SLC9A7: variants seen among roughly 807,000 people sequenced by gnomAD.
SLC9A7 encodes sodium/hydrogen exchanger 7.
A neutral mutation model predicts 52.6 loss-of-function variants in SLC9A7; 19 were observed. That is an observed-to-expected ratio of 0.36 (90% CI 0.25 to 0.53). The LOEUF is 0.53. Among genes scored for constraint, SLC9A7 ranks in the 20% least tolerant of loss-of-function variants. The pLI is 0.91. For missense variants in SLC9A7, 455 were observed against 597.9 expected, an observed-to-expected ratio of 0.76 and a Z score of 2.49; for synonymous variants, 226 against 252.1, an observed-to-expected ratio of 0.90 and a Z score of 0.98.
At chrX:46,721,517 T>C (rs1944860554) in intron 1 of SLC9A7, among the ~76,000 whole-genome samples, 2 of 112,116 alleles carry the variant, frequency 1.8e-5, no homozygotes, top group Non-Finnish European at 3.8e-5. Flanking sequence ...ATGATTCTTT[T>C]TTTTTTTCCA....
chrX:46,664,885 T>C (rs754318497), intron 5 of SLC9A7, among the ~76,000 whole-genome samples: 19 of 110,715 alleles, frequency 1.7e-4, no homozygotes, highest in African/African-American at 5.9e-4. Flanking sequence ...CCCAAGTAGA[T>C]GGGACCACAG....
chrX:46,758,982 C>A lies in SLC9A7; in HGVS notation c.48G>T (p.Gly16=). Residue 16 remains glycine, a synonymous_variant, in exon 1 of 17, where the codon GGG becomes GGT. Coordinates refer to ENST00000616978, the MANE Select transcript of SLC9A7 (RefSeq NM_001257291.2). ...GCAGCAGCAGCCGCGGCGGCGGCGCCCCGGTAGCCCGACCCGAGCCAGGGC... is the reference window on the plus strand; with the variant it reads ...GCAGCAGCAGCCGCGGCGGCGGCGCACCGGTAGCCCGACCCGAGCCAGGGC... ...AARPGSGRAT[G]APPPRLLLLP... 1 of 1,022,889 alleles carries A rather than the reference C, an allele frequency of 9.8e-7. No homozygotes were observed. The highest frequency in any genetic ancestry group is 1.2e-6 in the Non-Finnish European group (1 of 809,261). The allele number at this position is 1,022,889 out of a possible 1,213,427, so 84.3% of individuals were successfully genotyped here.
At chrX:46,726,698 T>G (rs1944950492) in intron 1 of SLC9A7, among the ~76,000 whole-genome samples, 1 of 111,389 alleles carries the variant, frequency 9.0e-6, no homozygotes, top group South Asian at 3.8e-4. Context: ...CAATATTTAC[T>G]TATCTTTATA....
At chrX:46,609,701 AAAAACAAAAC>A (rs1185854440) in intron 16 of SLC9A7, among the ~76,000 whole-genome samples, 1 of 110,083 alleles carries the variant, frequency 9.1e-6, no homozygotes, top group Admixed American at 9.6e-5. Context: ...CTCTGTCTCA[AAAAACAAAAC>A]AAAACAAAAG....
chrX:46,659,937 G>A (rs1322312634), intron 7 of SLC9A7, among the ~76,000 whole-genome samples: 1 of 110,463 alleles, frequency 9.1e-6, no homozygotes. Flanking sequence ...GCCAAACAAA[G>A]CTGGAGGCAT....
intron 1 of SLC9A7, among the ~76,000 whole-genome samples, chrX:46,729,410 T>C (rs1386342383): frequency 8.9e-6 from 1 of 112,397 alleles, no homozygotes; most frequent in Non-Finnish European, 1.9e-5. Context: ...TTTCTAGTTA[T>C]GTCTTTCGTA....
intron 7 of SLC9A7, among the ~76,000 whole-genome samples, chrX:46,659,295 C>A (rs1254863979): frequency 9.6e-6 from 1 of 104,663 alleles, no homozygotes; most frequent in African/African-American, 3.5e-5. Flanking sequence ...TGGAAGCATT[C>A]CCTTTGAAAA....
At chrX:46,686,061 T>G (rs1944290547) in intron 1 of SLC9A7, among the ~76,000 whole-genome samples, 1 of 112,193 alleles carries the variant, frequency 8.9e-6, no homozygotes, top group Non-Finnish European at 1.9e-5. Flanking sequence ...ATTCCTCAAT[T>G]AGAGGAAACA....
intron 7 of SLC9A7, among the ~76,000 whole-genome samples, chrX:46,657,073 T>A (rs1245437793): frequency 9.2e-6 from 1 of 108,200 alleles, no homozygotes; most frequent in African/African-American, 3.4e-5. Flanking sequence ...ATATTCAACA[T>A]TCTTAAAGAA....
At chrX:46,660,000 T>G (rs1309554278) in intron 7 of SLC9A7, among the ~76,000 whole-genome samples, 1 of 110,593 alleles carries the variant, frequency 9.0e-6, no homozygotes, top group Non-Finnish European at 1.9e-5. Flanking sequence ...CAAAACAGCA[T>G]GATACTGGTA....
chrX:46,685,605 AGTGG>A (rs972476497), intron 1 of SLC9A7: 14 of 111,572 alleles, frequency 1.3e-4, no homozygotes, highest in Non-Finnish European at 2.1e-4. Flanking sequence ...CTGTGGCAGC[AGTGG>A]CCCCTTTGCA....
At chrX:46,715,725 C>T (rs1205260526) in intron 1 of SLC9A7, among the ~76,000 whole-genome samples, 1 of 111,283 alleles carries the variant, frequency 9.0e-6, no homozygotes, top group African/African-American at 3.3e-5. Flanking sequence ...TTTGAGTATC[C>T]ATACAACCAT....
chrX:46,671,713 G>A (rs1037311547), intron 4 of SLC9A7, among the ~76,000 whole-genome samples: 3 of 112,093 alleles, frequency 2.7e-5, no homozygotes, highest in Non-Finnish European at 5.6e-5. Context: ...CAACCAGAGA[G>A]GTAGAGTATC....
At chrX:46,730,670 T>TATATATATATATATATATA (rs1491295251) in intron 1 of SLC9A7, among the ~76,000 whole-genome samples, 6 of 42,917 alleles carry the variant, frequency 1.4e-4, no homozygotes, top group African/African-American at 3.9e-4. Context: ...AAAAAAAAAA[T>TATATATATATATATATATA]TATATATATA....
At chrX:46,651,078 A>G (rs752869247) in intron 10 of SLC9A7, 32 bp downstream of exon 10, 2 of 994,804 alleles carry the variant, frequency 2.0e-6, no homozygotes, top group African/African-American at 3.8e-5. Context: ...TCGTCTCTGC[A>G]TGTAGAAAAT....
chrX:46,713,415 C>T (rs1944720453), intron 1 of SLC9A7, among the ~76,000 whole-genome samples: 1 of 109,430 alleles, frequency 9.1e-6, no homozygotes, highest in Admixed American at 9.9e-5. Flanking sequence ...CCAGAAGAAT[C>T]GCTTGAACCC....
chrX:46,758,227 C>T (rs782056964), intron 1 of SLC9A7, among the ~76,000 whole-genome samples: 1 of 111,267 alleles, frequency 9.0e-6, no homozygotes, highest in South Asian at 3.8e-4. Context: ...CCCAGGCTGA[C>T]CATGGATGTG....
intron 1 of SLC9A7, among the ~76,000 whole-genome samples, chrX:46,750,403 T>C (rs1165313749): frequency 2.7e-5 from 3 of 112,298 alleles, no homozygotes; most frequent in African/African-American, 3.2e-5. Flanking sequence ...CTGGAGTGCA[T>C]TGCTGCAATG....
intron 14 of SLC9A7, among the ~76,000 whole-genome samples, chrX:46,629,193 T>G (rs1318522064): frequency 5.4e-5 from 6 of 111,164 alleles, no homozygotes. Context: ...CCATTAGGAG[T>G]GCAGCGCGAG....
Sources: gnomAD v4.1 joint callset for allele counts (sites outside exome capture counted in the v4.1 genomes callset) on GRCh38, gnomAD v4.1.1 for gene constraint, MANE v1.5 for transcripts, NCBI Gene and HGNC (gene_info 2026-07-23, HGNC 2026-07-21) for gene names.